LSG1: variants seen among roughly 807,000 people sequenced by gnomAD.
LSG1 encodes the protein large 60S subunit nuclear export GTPase 1.
In LSG1, 55 loss-of-function variants were observed where a neutral mutation model predicts 82.6. The observed-to-expected ratio is 0.67, with a 90% CI of 0.54 to 0.83. LSG1 has a LOEUF of 0.83. Among genes scored for constraint, LSG1 ranks in the 40% least tolerant of loss-of-function variants. The pLI, the probability that LSG1 is intolerant of heterozygous loss-of-function variation, is 0.00. For missense variants in LSG1, 809 were observed against 807.9 expected (o/e 1.00, Z -0.02); for synonymous variants, 272 against 282.5 (o/e 0.96, Z 0.37).
chr3:194,641,751 T>C lies in LSG1; in HGVS notation c.*317A>G, dbSNP rs150590337. On this transcript the variant is annotated 3_prime_UTR_variant, in exon 14 of 14. Coordinates refer to ENST00000265245, the MANE Select transcript of LSG1 (RefSeq NM_018385.3). ...GCCTCAGCCTCCCGAGTAGCTGGGA[T>C]TACAGGTGCGCGCCACCACGCCTGG... 1.8e-3 allele frequency: 325 copies of C among 185,074 alleles called. 4 individuals are homozygous for C. In the East Asian group the frequency reaches 0.034, roughly 20 times the overall value. The allele number at this position is 185,074 out of a possible 1,614,324, so 11.5% of individuals were successfully genotyped here. A position where few individuals can be genotyped will look rare whatever the true frequency, so the allele number is the denominator to read the frequency against.
intron 7 of LSG1, among the ~76,000 whole-genome samples, chr3:194,654,515 T>C (rs1218819330): frequency 1.3e-5 from 2 of 152,112 alleles, no homozygotes; most frequent in African/African-American, 4.8e-5. Context: ...GATTTAACAA[T>C]CAAGCCTGGC....
chr3:194,658,529 T>A (rs1015784888), intron 7 of LSG1, among the ~76,000 whole-genome samples: 7 of 152,180 alleles, frequency 4.6e-5, no homozygotes, highest in African/African-American at 1.7e-4. Context: ...ATAAAATATG[T>A]GGTATATCCT....
chr3:194,649,344 A>G (rs1391896181), intron 10 of LSG1, among the ~76,000 whole-genome samples: 2 of 152,094 alleles, frequency 1.3e-5, no homozygotes, highest in East Asian at 1.9e-4. Context: ...CACCTAACCT[A>G]AGGCTACCTG....
chr3:194,644,147 G>A (rs1193499838), intron 13 of LSG1, among the ~76,000 whole-genome samples: 1 of 152,038 alleles, frequency 6.6e-6, no homozygotes, highest in Non-Finnish European at 1.5e-5. Context: ...TGGATCATGA[G>A]GTCAGGAGAT....
intron 1 of LSG1, 87 bp downstream of exon 1, chr3:194,671,977 T>G: frequency 7.8e-7 from 1 of 1,286,678 alleles, no homozygotes. Context: ...GCGTCCCTCC[T>G]GCAAAACTTA....
chr3:194,660,407 C>G lies in LSG1; in HGVS notation c.522-274G>C, dbSNP rs547818477. 1.9e-4 allele frequency among the ~76,000 whole-genome samples: 29 copies of G among 152,262 alleles called. No individual in the cohort carries two copies. In the South Asian group the frequency reaches 3.3e-3, roughly 17 times the overall value. On this transcript the variant is annotated intron_variant, in intron 5 of 13. Transcript: ENST00000265245. ...AGGTGATGCTCTTAATCATAACATGCTATTGCTCTCATACAGCCTAGAGGG... is the reference window on the plus strand; with the variant it reads ...AGGTGATGCTCTTAATCATAACATGGTATTGCTCTCATACAGCCTAGAGGG...
At position 194,644,278 on chromosome 3, in the gene LSG1, C is replaced by T. The variant is rs930401663; in HGVS notation, c.1797+295G>A. On this transcript the variant is annotated intron_variant, in intron 13 of 13. Transcript: ENST00000265245. Reference sequence around the variant, plus strand: ...TCGGGAGGCTGAGGCAGGAGAATGGCGTGAACCCGGGAAGCGGAGCTTGCA... The same window carrying T: ...TCGGGAGGCTGAGGCAGGAGAATGGTGTGAACCCGGGAAGCGGAGCTTGCA... Among the ~76,000 whole-genome samples, 272 of 151,226 alleles carry T rather than the reference C, an allele frequency of 1.8e-3. 3 individuals carry two copies. The highest frequency in any genetic ancestry group is 6.0e-3 in the African/African-American group (249 of 41,312).
rs1216283630 is a variant in LSG1 at position 194,650,976 on chromosome 3, C to T, written c.1324G>A (p.Val442Met). The stretch of plus-strand genomic sequence containing the variant: ...TTGGTAGACACAAAAGATGGCATCA[C>T]CAAGCCAGGACAGTCACACAGGCAG... The part of the protein sequence containing the change: ...GLCLCDCPGL[V>M]MPSFVSTKAE... The change falls in exon 10 of 14, where the codon GTG (valine) becomes ATG (methionine). Residue 442 changes from valine to methionine, a missense_variant. Transcript: ENST00000265245. The T allele has an allele frequency of 4.3e-6, 7 of 1,614,180 alleles. No homozygotes were observed. The highest frequency in any genetic ancestry group is 5.9e-6 in the Non-Finnish European group (7 of 1,180,042).
intron 3 of LSG1, 32 bp downstream of exon 3, chr3:194,666,420 T>G (rs41266987): frequency 6.2e-7 from 1 of 1,609,392 alleles, no homozygotes; most frequent in Non-Finnish European, 8.5e-7. Context: ...CCTCGGATGT[T>G]TTGTGGCATT....
intron 2 of LSG1, 24 bp downstream of exon 2, chr3:194,669,985 T>G: frequency 1.1e-5 from 18 of 1,611,540 alleles, no homozygotes; most frequent in Non-Finnish European, 1.5e-5. Flanking sequence ...CAGTCTCACC[T>G]GCACTCAGCA....
At chr3:194,645,585 C>CACACACACACACACACAGACAGACAG (rs1718529880) in intron 12 of LSG1, among the ~76,000 whole-genome samples, 1 of 74,652 alleles carries the variant, frequency 1.3e-5, no homozygotes, top group Non-Finnish European at 2.9e-5. Context: ...GACACACACA[C>CACACACACACACACACAGACAGACAG]ACACACACAC....
At chr3:194,653,591 C>T (rs574675501) in intron 7 of LSG1, among the ~76,000 whole-genome samples, 9 of 151,942 alleles carry the variant, frequency 5.9e-5, no homozygotes, top group African/African-American at 1.2e-4. Flanking sequence ...GAGGAGACAA[C>T]GAAAGCCTTT....
intron 10 of LSG1, among the ~76,000 whole-genome samples, chr3:194,649,976 G>T (rs1238333244): frequency 6.6e-6 from 1 of 151,930 alleles, no homozygotes; most frequent in Admixed American, 6.6e-5. Flanking sequence ...CTGGAGGGCA[G>T]TGGCACCATC....
chr3:194,667,942 A>AAAAAAAATAT (rs1416407494), intron 2 of LSG1, among the ~76,000 whole-genome samples: 4 of 86,962 alleles, frequency 4.6e-5, no homozygotes, highest in East Asian at 4.2e-4. Flanking sequence ...AAAAAAAAAA[A>AAAAAAAATAT]ATATATATAT....
intron 2 of LSG1, among the ~76,000 whole-genome samples, chr3:194,668,840 T>C (rs1330510943): frequency 6.6e-6 from 1 of 152,208 alleles, no homozygotes; most frequent in Non-Finnish European, 1.5e-5. Flanking sequence ...GAAAACGTGG[T>C]ATATGTAGTA....
chr3:194,653,440 G>A (rs566112692), intron 7 of LSG1, among the ~76,000 whole-genome samples: 1 of 151,904 alleles, frequency 6.6e-6, no homozygotes, highest in South Asian at 2.1e-4. Context: ...GCTTGAACCT[G>A]AGAGGCGGAG....
chr3:194,644,983 C>T (rs767282128), intron 12 of LSG1: 10 of 366,420 alleles, frequency 2.7e-5, no homozygotes, highest in Admixed American at 1.4e-4. Flanking sequence ...TCTCTTTCTT[C>T]TTTTCTCGTT....
chr3:194,670,289 C>T (rs556725088), intron 1 of LSG1, among the ~76,000 whole-genome samples, 154 bp from the exon 2 acceptor site: 3 of 152,326 alleles, frequency 2.0e-5, no homozygotes, highest in South Asian at 2.1e-4. Flanking sequence ...TAAAGGAACA[C>T]GTTCTTACCT....
intron 6 of LSG1, 34 bp from the exon 7 acceptor site, chr3:194,659,167 T>G: frequency 5.3e-6 from 8 of 1,505,780 alleles, no homozygotes; most frequent in Non-Finnish European, 6.3e-6. Flanking sequence ...AAAGACCTCT[T>G]CAAACAAGTA....
Sources: gnomAD v4.1 joint callset for allele counts (sites outside exome capture counted in the v4.1 genomes callset) on GRCh38, gnomAD v4.1.1 for gene constraint, MANE v1.5 for transcripts, NCBI Gene and HGNC (gene_info 2026-07-23, HGNC 2026-07-21) for gene names.